The following KNTC1 variants were observed in gnomAD, a reference collection of about 807,000 sequenced individuals.
KNTC1 encodes kinetochore associated 1, also known as kinetochore-associated protein 1.
A neutral mutation model predicts 314.4 loss-of-function variants in KNTC1; 253 were observed. The observed-to-expected ratio is 0.80, with a 90% CI of 0.73 to 0.89. KNTC1 has a LOEUF of 0.89. KNTC1 is among the 40% of genes least tolerant of loss of function. The pLI, the probability that KNTC1 is intolerant of heterozygous loss-of-function variation, is 0.00. For missense variants in KNTC1, 2,475 were observed against 2,572.9 expected (o/e 0.96, Z 0.82); for synonymous variants, 901 against 901.4 (o/e 1.00, Z 0.01).
At chr12:122,558,928 G>A (rs1252682020) in intron 18 of KNTC1, among the ~76,000 whole-genome samples, 4 of 152,072 alleles carry the variant, frequency 2.6e-5, no homozygotes, top group Non-Finnish European at 5.9e-5. Context: ...ATTTGCCCCA[G>A]TCCCCCAGCT....
chr12:122,614,841 A>G (rs1873595332), intron 55 of KNTC1, 150 bp from the exon 56 acceptor site: 2 of 508,856 alleles, frequency 3.9e-6, no homozygotes, highest in Non-Finnish European at 7.0e-6. Context: ...AGATCATGCC[A>G]CTGCACTCCA....
intron 51 of KNTC1, 153 bp from the exon 52 acceptor site, chr12:122,609,231 G>A: frequency 1.6e-6 from 1 of 637,242 alleles, no homozygotes; most frequent in South Asian, 1.9e-5. Context: ...CATCAGTTAA[G>A]CAAAAATCTT....
At chr12:122,607,513 T>C (rs1313184594) in intron 51 of KNTC1, among the ~76,000 whole-genome samples, 2 of 152,208 alleles carry the variant, frequency 1.3e-5, no homozygotes, top group Non-Finnish European at 2.9e-5. Context: ...TCAAATTACT[T>C]ATTTTTAGCA....
Position 122,585,022 on chromosome 12 carries a change from C to G in KNTC1, c.3534+32C>G, listed in dbSNP as rs202066412. ...TACTTTTGAGTTTTTTCCCTTAAAT[C>G]CTGGGCAACGCATTATGCACCTTTT... On this transcript the variant is annotated intron_variant, in intron 36 of 63. Transcript: ENST00000333479. The G allele has an allele frequency of 1.2e-5, 15 of 1,291,794 alleles. No homozygotes were observed. In the African/African-American group the frequency reaches 2.2e-4, roughly 19 times the overall value. 80.0% of individuals were successfully genotyped at this position (1,291,794 alleles called of 1,614,324 possible). A position where few individuals can be genotyped will look rare whatever the true frequency, so the allele number is the denominator to read the frequency against.
rs1875051210 is a variant in KNTC1 at position 122,626,349 on chromosome 12, C to T, written c.*121C>T. 1.9e-5 allele frequency: 13 copies of T among 682,744 alleles called. No homozygotes were observed. The highest frequency in any genetic ancestry group is 1.4e-4 in the South Asian group (8 of 56,866). 42.3% of individuals were successfully genotyped at this position (682,744 alleles called of 1,614,324 possible). A position where few individuals can be genotyped will look rare whatever the true frequency, so the allele number is the denominator to read the frequency against. On this transcript the variant is annotated 3_prime_UTR_variant, in exon 64 of 64. Coordinates refer to ENST00000333479, the MANE Select transcript of KNTC1 (RefSeq NM_014708.6). ...TTATAGCTATTTGTCTAACATTACC[C>T]CACATGTAATAAATAAAACAATATG...
At chr12:122,601,374 C>T (rs1871875055) in intron 44 of KNTC1, among the ~76,000 whole-genome samples, 162 bp from the exon 45 acceptor site, 2 of 152,262 alleles carry the variant, frequency 1.3e-5, no homozygotes, top group South Asian at 4.1e-4. Flanking sequence ...CGTGAGCCAC[C>T]GTGCCCGGCC....
chr12:122,621,619 G>GC (rs1403108162), intron 60 of KNTC1, among the ~76,000 whole-genome samples: 2 of 152,236 alleles, frequency 1.3e-5, no homozygotes, highest in African/African-American at 4.8e-5. Flanking sequence ...ATAGGCATGA[G>GC]CCACTGCGCC....
chr12:122,600,187 C>T (rs1871659089), intron 44 of KNTC1, among the ~76,000 whole-genome samples: 1 of 152,150 alleles, frequency 6.6e-6, no homozygotes, highest in African/African-American at 2.4e-5. Context: ...GCAACCTCCG[C>T]CTCCTGGGTT....
intron 37 of KNTC1, 143 bp from the exon 38 acceptor site, chr12:122,586,558 G>GTTAT (rs888460423): frequency 2.9e-5 from 8 of 272,526 alleles, no homozygotes; most frequent in Non-Finnish European, 4.2e-5. Context: ...CTGTGTGAGG[G>GTTAT]TTATTTATTT....
intron 3 of KNTC1, among the ~76,000 whole-genome samples, chr12:122,535,230 A>C (rs1565928003): frequency 6.6e-6 from 1 of 152,210 alleles, no homozygotes; most frequent in Non-Finnish European, 1.5e-5. Context: ...TGTGGATTTG[A>C]GAGTGAATTA....
Position 122,588,802 on chromosome 12 carries a change from A to T in KNTC1, c.3985A>T (p.Thr1329Ser). Residue 1329 changes from threonine (T) to serine (S), a missense_variant, in exon 40 of 64, where the codon ACA becomes TCA. By Grantham distance (58) the Thr-to-Ser change is moderately conservative. Transcript: ENST00000333479. ...AVIFIRENAT[T>S]LLHKVFNCRL... is the part of the protein sequence containing the mutation. The stretch of plus-strand genomic sequence containing the variant: ...TATATTTATCAGGGAAAATGCTACA[A>T]CACTACTGCACAAAGTAAGTATTTG... 1 of 1,536,914 alleles carries T rather than the reference A, an allele frequency of 6.5e-7. No individual in the cohort carries two copies. Among genetic ancestry groups the T allele is most frequent in the Non-Finnish European group, 8.7e-7 (1 of 1,144,010 alleles).
intron 10 of KNTC1, 144 bp downstream of exon 10, chr12:122,546,818 G>T: frequency 4.6e-6 from 2 of 434,692 alleles, no homozygotes; most frequent in Non-Finnish European, 8.1e-6. Context: ...CCAAAAAGTT[G>T]ATCCTGAAAT....
chr12:122,580,029 C>CT, intron 32 of KNTC1, 52 bp downstream of exon 32: 4 of 1,253,090 alleles, frequency 3.2e-6, no homozygotes, highest in Non-Finnish European at 4.6e-6. Flanking sequence ...AGCTCACCCT[C>CT]TTCAGAAAGA....
rs1196061323 is a variant in KNTC1 at position 122,544,162 on chromosome 12, C to T, written c.562C>T (p.Gln188Ter). ...GTTGTTGTTTTTAATTTTGCAGTTA[C>T]AAGGACAAATCAAGTCCAGTTTTAT... ...NVDFSTAKKLQGQIKSSFIST... is the reference protein window; with the variant it reads ...NVDFSTAKKL The change falls in exon 8 of 64, where the codon CAA becomes TAA. Residue 188 changes from glutamine to a stop codon, truncating the protein, a stop_gained. Transcript: ENST00000333479. LOFTEE classifies it high-confidence loss of function. 1 of 1,465,710 alleles carries T rather than the reference C, an allele frequency of 6.8e-7. No homozygotes were observed. Among genetic ancestry groups the T allele is most frequent in the African/African-American group, 1.4e-5 (1 of 69,796 alleles). 90.8% of individuals were successfully genotyped at this position (1,465,710 alleles called of 1,614,324 possible).
At chr12:122,593,484 C>T (rs1261863437) in intron 42 of KNTC1, 1 of 151,616 alleles carries the variant, frequency 6.6e-6, no homozygotes, top group African/African-American at 2.4e-5. Context: ...GGATGGTCTC[C>T]CATCTCTTGA....
chr12:122,604,534 TTTA>T (rs772131832), intron 48 of KNTC1, 27 bp from the exon 49 acceptor site: 2 of 1,038,400 alleles, frequency 1.9e-6, no homozygotes, highest in South Asian at 3.1e-5. Context: ...CCTGTAAATC[TTTA>T]TTTATTTATT....
rs7304615 is a variant in KNTC1, at chr12:122,602,778, A to G, written c.4825+38A>G. 9,625 of 1,611,136 alleles carry G rather than the reference A, an allele frequency of 6.0e-3. 181 individuals are homozygous for G. In the African/African-American group the frequency reaches 0.061, roughly 10 times the overall value. ...TAACTTTTTATGAATTTTACTGGAT[A>G]GCCAAATTTTTTTTCTTAAGCAAAT... On this transcript the variant is annotated intron_variant, in intron 46 of 63. Transcript: ENST00000333479.
At chr12:122,542,209 C>T (rs760443735) in intron 6 of KNTC1, 82 bp downstream of exon 6, 19 of 955,626 alleles carry the variant, frequency 2.0e-5, no homozygotes, top group Non-Finnish European at 1.5e-5. Flanking sequence ...ATTTTAAGTA[C>T]TCTCTTTAAG....
At chr12:122,587,139 A>C (rs1869465316) in intron 38 of KNTC1, among the ~76,000 whole-genome samples, 1 of 152,148 alleles carries the variant, frequency 6.6e-6, no homozygotes, top group Non-Finnish European at 1.5e-5. Context: ...AATAGAAAGA[A>C]ATGGTGGTGT....
Sources: gnomAD v4.1 joint callset for allele counts (sites outside exome capture counted in the v4.1 genomes callset) on GRCh38, gnomAD v4.1.1 for gene constraint, MANE v1.5 for transcripts, NCBI Gene and HGNC (gene_info 2026-07-23, HGNC 2026-07-21) for gene names.